Variants in BMPER observed in about 807,000 individuals in gnomAD.
The protein encoded by BMPER is BMP binding endothelial regulator, also known as BMP-binding endothelial regulator protein.
In BMPER, 45 loss-of-function variants were observed where a neutral mutation model predicts 87.3. The observed-to-expected ratio is 0.52, with a 90% CI of 0.41 to 0.66. BMPER has a LOEUF of 0.66. Ranked by LOEUF, BMPER falls within the 30% of genes least tolerant of loss-of-function variation. The pLI, the probability that BMPER is intolerant of heterozygous loss-of-function variation, is 0.00. For missense variants in BMPER, 784 were observed against 867.5 expected, an observed-to-expected ratio of 0.90 and a Z score of 1.21; for synonymous variants, 326 against 316.2, an observed-to-expected ratio of 1.03 and a Z score of -0.33.
intron 14 of BMPER, among the ~76,000 whole-genome samples, chr7:34,146,076 T>G (rs1333634220): frequency 6.6e-6 from 1 of 151,884 alleles, no homozygotes; most frequent in African/African-American, 2.4e-5. Context: ...CACACACACA[T>G]TATGAACTTC....
At position 33,999,971 on chromosome 7, in the gene BMPER, G is replaced by A. The variant is rs150683482; in HGVS notation, c.576+25187G>A. On this transcript the variant is annotated intron_variant, in intron 6 of 14. Transcript: ENST00000649409. ...TCTAGGGGAGAGTGCCATAACCAGA[G>A]CCTAATGATCAAGATAGAGTTTTAT... Among the ~76,000 whole-genome samples, 516 of 152,292 alleles carry A rather than the reference G, an allele frequency of 3.4e-3. 15 individuals are homozygous for A. Among genetic ancestry groups the A allele is most frequent in the Non-Finnish European group, 1.1e-3 (74 of 68,028 alleles).
chr7:34,063,213 A>G (rs1430231128), intron 11 of BMPER, among the ~76,000 whole-genome samples: 1 of 152,210 alleles, frequency 6.6e-6, no homozygotes, highest in Non-Finnish European at 1.5e-5. Flanking sequence ...TGAGCCAGTT[A>G]TGTTTAGAGA....
intron 6 of BMPER, among the ~76,000 whole-genome samples, chr7:33,977,580 C>A (rs1349458593): frequency 6.6e-6 from 1 of 152,174 alleles, no homozygotes; most frequent in Non-Finnish European, 1.5e-5. Context: ...TAATGTTAGG[C>A]TGCAGCTTCC....
intron 6 of BMPER, among the ~76,000 whole-genome samples, chr7:34,037,964 G>A (rs1318068189): frequency 6.6e-6 from 1 of 152,146 alleles, no homozygotes; most frequent in Admixed American, 6.5e-5. Flanking sequence ...TTTTGGTGAG[G>A]TGTGTTGTAG....
intron 13 of BMPER, among the ~76,000 whole-genome samples, chr7:34,098,570 G>A (rs1371686601): frequency 1.3e-5 from 2 of 152,150 alleles, no homozygotes; most frequent in African/African-American, 4.8e-5. Flanking sequence ...AGTGTTTGGA[G>A]TTTAAAGGAG....
At chr7:34,013,782 T>C (rs903299583) in intron 6 of BMPER, among the ~76,000 whole-genome samples, 2 of 151,846 alleles carry the variant, frequency 1.3e-5, no homozygotes, top group Non-Finnish European at 2.9e-5. Context: ...ACCCACCCAT[T>C]TTAAGTTTCT....
At position 34,099,894 on chromosome 7, in the gene BMPER, G is replaced by GT. The variant is rs10706249; in HGVS notation, c.1745+13812dup. Among the ~76,000 whole-genome samples, 362 of 149,956 alleles carry GT rather than the reference G, an allele frequency of 2.4e-3. 1 individual carries two copies. Among genetic ancestry groups the GT allele is most frequent in the Middle Eastern group, 6.8e-3 (2 of 292 alleles). ...CTTGACTTTTGAGAAGTCACAGTTT[G>GT]TTTTTTTTTTCATTGTTTGTTTTTT... is the stretch of plus-strand genomic sequence containing the variant. On this transcript the variant is annotated intron_variant, in intron 13 of 14. Coordinates refer to ENST00000649409, the MANE Select transcript of BMPER (RefSeq NM_001365308.1).
chr7:33,950,627 AC>A (rs1389312558), intron 3 of BMPER, among the ~76,000 whole-genome samples: 5 of 151,936 alleles, frequency 3.3e-5, no homozygotes, highest in Non-Finnish European at 4.4e-5. Flanking sequence ...TGGCTTGTAG[AC>A]CCTTTTTAAG....
At chr7:33,968,408 A>C (rs186731657) in intron 4 of BMPER, among the ~76,000 whole-genome samples, 1 of 152,208 alleles carries the variant, frequency 6.6e-6, no homozygotes, top group African/African-American at 2.4e-5. Flanking sequence ...ATTTATTGGC[A>C]CCTGTCAGGG....
intron 6 of BMPER, among the ~76,000 whole-genome samples, chr7:33,997,681 A>G (rs1192354788): frequency 1.3e-5 from 2 of 152,160 alleles, no homozygotes; most frequent in Non-Finnish European, 2.9e-5. Context: ...ATACCCTTGT[A>G]TACTTTTTCC....
At chr7:34,049,775 A>G (rs1055250519) in intron 7 of BMPER, among the ~76,000 whole-genome samples, 26 of 152,154 alleles carry the variant, frequency 1.7e-4, no homozygotes, top group African/African-American at 6.3e-4. Context: ...AAATTACTCA[A>G]CTGAAGCAGA....
chr7:34,046,483 TG>T, intron 7 of BMPER, 78 bp downstream of exon 7: 1 of 1,438,820 alleles, frequency 7.0e-7, no homozygotes, highest in Non-Finnish European at 9.8e-7. Context: ...TCCACGTTGT[TG>T]TTTTGAGATT....
intron 13 of BMPER, among the ~76,000 whole-genome samples, chr7:34,139,377 T>C (rs543647957): frequency 1.3e-5 from 2 of 152,360 alleles, no homozygotes; most frequent in African/African-American, 4.8e-5. Context: ...ACTCCCATTC[T>C]TTACTTTCCC....
intron 2 of BMPER, among the ~76,000 whole-genome samples, chr7:33,926,192 ATTAG>A (rs1218399422): frequency 1.3e-5 from 2 of 152,238 alleles, no homozygotes; most frequent in African/African-American, 2.4e-5. Flanking sequence ...GCTCAAAAAT[ATTAG>A]TTAAACAGAT....
In BMPER at chr7:33,970,937, C is replaced by G. The variant is rs554806687; in HGVS notation, c.493+518C>G. Among the ~76,000 whole-genome samples, 3 of 152,238 alleles carry G rather than the reference C, an allele frequency of 2.0e-5. No homozygotes were observed. The South Asian group carries it at 6.2e-4, about 32-fold the overall frequency. ...CCTAGCTGACAGCAAAAGGATCTTTCCTTTGCAGCGGCTGGAACGTTTCCT... is the reference window on the plus strand; with the variant it reads ...CCTAGCTGACAGCAAAAGGATCTTTGCTTTGCAGCGGCTGGAACGTTTCCT... On this transcript the variant is annotated intron_variant, in intron 5 of 14. Coordinates refer to ENST00000649409, the MANE Select transcript of BMPER (RefSeq NM_001365308.1).
rs181034580 is a variant in BMPER, at chr7:33,954,685, T to C, written c.320-11794T>C. On this transcript the variant is annotated intron_variant, in intron 3 of 14. Coordinates refer to ENST00000649409, the MANE Select transcript of BMPER (RefSeq NM_001365308.1). ...TGATAAACTAAAATTCAGAAATCAA[T>C]GGTTGCTCTGAGATTCAGGGAGTGC... Among the ~76,000 whole-genome samples the C allele has an allele frequency of 1.2e-4, 19 of 152,300 alleles. No homozygotes were observed. In the East Asian group the frequency reaches 3.7e-3, roughly 29 times the overall value.
intron 13 of BMPER, among the ~76,000 whole-genome samples, chr7:34,095,725 T>C (rs1170481512): frequency 7.3e-6 from 1 of 136,878 alleles, no homozygotes; most frequent in African/African-American, 2.7e-5. Flanking sequence ...CTATCCAATA[T>C]ACAGAACTTC....
At chr7:34,147,110 A>G (rs1484755247) in intron 14 of BMPER, among the ~76,000 whole-genome samples, 3 of 152,202 alleles carry the variant, frequency 2.0e-5, no homozygotes, top group African/African-American at 7.2e-5. Context: ...CTGTAGCATA[A>G]CGGATGGTTT....
At chr7:33,994,328 T>C (rs1204187395) in intron 6 of BMPER, among the ~76,000 whole-genome samples, 1 of 152,204 alleles carries the variant, frequency 6.6e-6, no homozygotes, top group Non-Finnish European at 1.5e-5. Flanking sequence ...CGTGATGCGC[T>C]GTTTTTTAAG....
Sources: allele counts gnomAD v4.1 joint callset (sites outside exome capture counted in the v4.1 genomes callset), GRCh38; gene constraint gnomAD v4.1.1; transcripts MANE v1.5; gene names NCBI Gene and HGNC (gene_info 2026-07-23, HGNC 2026-07-21).